HTR4: variants seen among roughly 807,000 people sequenced by gnomAD.
HTR4 encodes the protein 5-hydroxytryptamine (serotonin) receptor 4, G protein-coupled.
HTR4 carries 16 observed loss-of-function variants against 36.8 expected under a neutral mutation model. That is an observed-to-expected ratio of 0.43 (90% confidence interval 0.29 to 0.66). The LOEUF (loss-of-function observed/expected upper bound fraction) is 0.66. Ranked by LOEUF, HTR4 falls within the 30% of genes least tolerant of loss-of-function variation. The pLI is 0.13. For missense variants in HTR4, 438 were observed against 490.9 expected, an observed-to-expected ratio of 0.89 and a Z score of 1.02; for synonymous variants, 189 against 185.1, an observed-to-expected ratio of 1.02 and a Z score of -0.17.
chr5:148,648,451 G>A (rs1252410829), intron 1 of HTR4, among the ~76,000 whole-genome samples: 2 of 152,206 alleles, frequency 1.3e-5, no homozygotes, highest in African/African-American at 4.8e-5. Context: ...AGAGGTGCAC[G>A]AATGGAAGGA....
rs567930858 is a variant in HTR4 at position 148,595,656 on chromosome 5, T to C, written c.26+41333A>G. ...TTAATTATTGGCCTGACAAGATTGA[T>C]ACATTGACCATTATATGCAAATCAT... On this transcript the variant is annotated intron_variant, in intron 2 of 6. Transcript: ENST00000377888. 3.9e-5 allele frequency among the ~76,000 whole-genome samples: 6 copies of C among 152,322 alleles called. No individual in the cohort carries two copies. The South Asian group carries it at 1.0e-3, about 26-fold the overall frequency.
chr5:148,560,929 A>G (rs1172430789), intron 2 of HTR4, among the ~76,000 whole-genome samples: 1 of 152,234 alleles, frequency 6.6e-6, no homozygotes, highest in African/African-American at 2.4e-5. Context: ...AATACTGATG[A>G]TGACAGCTTA....
At chr5:148,540,406 A>ATG (rs1340864206) in intron 4 of HTR4, among the ~76,000 whole-genome samples, 3 of 28,714 alleles carry the variant, frequency 1.0e-4, no homozygotes, top group African/African-American at 2.3e-4. Context: ...GTGTGTATAT[A>ATG]TATATATATA....
chr5:148,591,812 G>T (rs1220605998), intron 2 of HTR4, among the ~76,000 whole-genome samples: 1 of 152,134 alleles, frequency 6.6e-6, no homozygotes, highest in Non-Finnish European at 1.5e-5. Flanking sequence ...GATGCTGCAA[G>T]GTTGCAGAGA....
chr5:148,540,498 A>T (rs774056845), intron 4 of HTR4, among the ~76,000 whole-genome samples: 2 of 146,470 alleles, frequency 1.4e-5, no homozygotes, highest in South Asian at 4.3e-4. Context: ...AGATATTTAT[A>T]AAAAATAGGT....
chr5:148,516,228 G>A (rs1757742100), intron 5 of HTR4, among the ~76,000 whole-genome samples: 1 of 149,192 alleles, frequency 6.7e-6, no homozygotes, highest in East Asian at 2.0e-4. Flanking sequence ...TCTCAGATAT[G>A]TCAAATCTAC....
chr5:148,555,448 G>A (rs1214826980), intron 2 of HTR4, among the ~76,000 whole-genome samples: 1 of 152,174 alleles, frequency 6.6e-6, no homozygotes, highest in East Asian at 1.9e-4. Flanking sequence ...TAGGAGTGAC[G>A]AGCAAAATTT....
chr5:148,546,001 G>A (rs1759366887), intron 4 of HTR4, among the ~76,000 whole-genome samples: 1 of 152,172 alleles, frequency 6.6e-6, no homozygotes, highest in African/African-American at 2.4e-5. Flanking sequence ...TATTACTTTG[G>A]ATGAATGATA....
chr5:148,537,707 G>C (rs775901109), intron 4 of HTR4, among the ~76,000 whole-genome samples: 1 of 152,066 alleles, frequency 6.6e-6, no homozygotes, highest in Non-Finnish European at 1.5e-5. Context: ...TCCCTGAACA[G>C]ACCAATGATT....
chr5:148,579,697 T>C (rs2127242461), intron 2 of HTR4, among the ~76,000 whole-genome samples: 1 of 152,152 alleles, frequency 6.6e-6, no homozygotes, highest in South Asian at 2.1e-4. Flanking sequence ...GTCTTGCAGT[T>C]GTAGGACTAA....
chr5:148,520,819 A>G lies in HTR4; in HGVS notation c.507+2374T>C, dbSNP rs1757977583. Reference sequence around the variant, plus strand: ...TGGTGAAACTGACAGTTTAAAATAAATTGGATAGGATTCAAAAAATGTCCA... The same window carrying G: ...TGGTGAAACTGACAGTTTAAAATAAGTTGGATAGGATTCAAAAAATGTCCA... On this transcript the variant is annotated intron_variant, in intron 5 of 6. Coordinates refer to ENST00000377888, the MANE Select transcript of HTR4 (RefSeq NM_000870.7). 3 of 1,277,698 alleles carry G rather than the reference A, an allele frequency of 2.3e-6. No individual in the cohort carries two copies. The South Asian group carries it at 3.6e-5, about 15-fold the overall frequency. The allele number at this position is 1,277,698 out of a possible 1,614,324, so 79.1% of individuals were successfully genotyped here. A position where few individuals can be genotyped will look rare whatever the true frequency, so the allele number is the denominator to read the frequency against.
rs79825070 is a variant in HTR4 at position 148,467,190 on chromosome 5, C to T, written c.1077-15918G>A. ...TCACTCTTGATCTCCCACAATTAAG[C>T]GGTGTTGAATGTTCCTGCGTGGAGC... On this transcript the variant is annotated intron_variant, in intron 5 of 5. Transcript: ENST00000521530. Among the ~76,000 whole-genome samples the T allele has an allele frequency of 5.6e-3, 857 of 152,184 alleles. 18 individuals carry two copies. In the East Asian group the frequency reaches 0.069, roughly 12 times the overall value.
Position 148,510,020 on chromosome 5 carries a change from T to C in HTR4, c.512A>G (p.Glu171Gly). Residue 171 changes from glutamate (E) to glycine (G), a missense_variant, in exon 6 of 7, where the codon GAA becomes GGA. Transcript: ENST00000377888. ...WNNIGIIDLI[E>G]KRKFNQNSNS... ...AGAGTTCTGGTTGAACTTCCTCTTT[T>C]CTATCTGAGAGTTGGAGGGAGAGAG... 1 of 1,607,130 alleles carries C rather than the reference T, an allele frequency of 6.2e-7. No individual in the cohort carries two copies. Among genetic ancestry groups the C allele is most frequent in the Non-Finnish European group, 8.5e-7 (1 of 1,175,350 alleles).
At chr5:148,502,646 A>G (rs1201194595) in intron 6 of HTR4, among the ~76,000 whole-genome samples, 1 of 152,250 alleles carries the variant, frequency 6.6e-6, no homozygotes, top group Non-Finnish European at 1.5e-5. Flanking sequence ...AACTGGATGG[A>G]GAATGACTTT....
intron 2 of HTR4, among the ~76,000 whole-genome samples, chr5:148,631,651 T>G (rs889918312): frequency 1.3e-5 from 2 of 152,178 alleles, no homozygotes; most frequent in Non-Finnish European, 2.9e-5. Flanking sequence ...TCAACTTTTC[T>G]GTTTAAAAAA....
chr5:148,615,783 C>T (rs1249292585), intron 2 of HTR4, among the ~76,000 whole-genome samples: 1 of 151,960 alleles, frequency 6.6e-6, no homozygotes, highest in Non-Finnish European at 1.5e-5. Flanking sequence ...GTTTCTGGAT[C>T]CTCTTCTTGC....
chr5:148,647,526 C>T (rs980355284), intron 1 of HTR4, among the ~76,000 whole-genome samples: 10 of 152,120 alleles, frequency 6.6e-5, no homozygotes, highest in Non-Finnish European at 1.5e-4. Context: ...TCTCCCCTTA[C>T]AGGGGAGACA....
At chr5:148,514,914 A>G (rs1294479413) in intron 5 of HTR4, among the ~76,000 whole-genome samples, 1 of 151,974 alleles carries the variant, frequency 6.6e-6, no homozygotes, top group East Asian at 1.9e-4. Flanking sequence ...TTTTTCTGCC[A>G]CTTTATATTT....
intron 2 of HTR4, among the ~76,000 whole-genome samples, chr5:148,626,430 T>C (rs1219831632): frequency 6.6e-6 from 1 of 152,226 alleles, no homozygotes; most frequent in East Asian, 1.9e-4. Context: ...GCACATTTCT[T>C]ACATCATAAC....
Sources: allele counts gnomAD v4.1 joint callset (sites outside exome capture counted in the v4.1 genomes callset), GRCh38; gene constraint gnomAD v4.1.1; transcripts MANE v1.5; gene names NCBI Gene and HGNC (gene_info 2026-07-23, HGNC 2026-07-21).